The following GSG1 variants were observed in gnomAD, a reference collection of about 807,000 sequenced individuals.
GSG1 encodes germ cell associated 1.
Under a neutral mutation model 30.8 loss-of-function variants are expected in GSG1, and 28 were observed. The ratio of observed to expected loss-of-function variants is 0.91; its 90% confidence interval spans 0.67 to 1.25. The LOEUF (loss-of-function observed/expected upper bound fraction) is 1.25, where lower values mean the gene tolerates loss of function less well. GSG1 is among the 50% of genes most tolerant of loss of function. GSG1 has a pLI of 0.00. For missense variants in GSG1, 435 were observed against 444.7 expected (o/e 0.98, Z 0.20); for synonymous variants, 162 against 178.0 (o/e 0.91, Z 0.71).
chr12:13,089,474 T>C, intron 2 of GSG1, 198 bp from the exon 3 acceptor site: 1 of 734,864 alleles, frequency 1.4e-6, no homozygotes, highest in Non-Finnish European at 2.1e-6. Context: ...GAAGAGGAGG[T>C]GTCTTCAGCT....
At chr12:13,095,029 G>A (rs907629865) in intron 1 of GSG1, among the ~76,000 whole-genome samples, 2 of 152,204 alleles carry the variant, frequency 1.3e-5, no homozygotes, top group Admixed American at 6.5e-5. Context: ...TTGGACTGAA[G>A]CTCAAAGAGG....
At chr12:13,097,858 A>G (rs916713887) in intron 1 of GSG1, among the ~76,000 whole-genome samples, 5 of 152,156 alleles carry the variant, frequency 3.3e-5, no homozygotes, top group African/African-American at 1.2e-4. Context: ...CCATGAGGTC[A>G]TGTTTTTCCC....
chr12:13,084,668 G>A lies in GSG1; in HGVS notation c.*233C>T. The A allele has an allele frequency of 4.9e-6, 2 of 410,492 alleles. No individual in the cohort carries two copies. Among genetic ancestry groups the A allele is most frequent in the South Asian group, 5.8e-5 (1 of 17,174 alleles). The allele number at this position is 410,492 out of a possible 1,614,324, so 25.4% of individuals were successfully genotyped here. On this transcript the variant is annotated 3_prime_UTR_variant, in exon 7 of 7. Coordinates refer to ENST00000651961, the MANE Select transcript of GSG1 (RefSeq NM_001080555.4). Reference sequence around the variant, plus strand: ...TGGCACAGAAACTATCAGTAAAGAAGGGAATTCTGGATGTGTGAGATGTGG... The same window carrying A: ...TGGCACAGAAACTATCAGTAAAGAAAGGAATTCTGGATGTGTGAGATGTGG...
rs1865614599 is a variant in GSG1, at chr12:13,087,132, C to T, written c.746+20G>A. 1 of 1,540,882 alleles carries T rather than the reference C, an allele frequency of 6.5e-7. No homozygotes were observed. The highest frequency in any genetic ancestry group is 9.0e-7 in the Non-Finnish European group (1 of 1,113,558). On this transcript the variant is annotated intron_variant, in intron 6 of 6. Transcript: ENST00000651961. ...AAGGTTGGCTGGGGCTACAAAGGTT[C>T]AGGAGATGACAGCACTTACTAGAAG...
chr12:13,088,009 A>T lies in GSG1; in HGVS notation c.532T>A (p.Phe178Ile). The change falls in exon 5 of 7, where the codon TTC becomes ATC. Residue 178 changes from phenylalanine to isoleucine, a missense_variant. Phe to Ile is a conservative substitution (Grantham distance 21, BLOSUM62 0). Transcript: ENST00000651961. ...GTTAGTAGCAGGAGGAAGCTGATGA[A>T]TTGAAGTCCGATGTAGGTGATCTGC... is the stretch of plus-strand genomic sequence containing the variant. Reference protein sequence around the residue: ...GTQITYIGLQFISFLLLLTDL... With the variant: ...GTQITYIGLQIISFLLLLTDL... The T allele has an allele frequency of 6.2e-7, 1 of 1,614,254 alleles. No homozygotes were observed. The highest frequency in any genetic ancestry group is 1.1e-5 in the South Asian group (1 of 91,088).
At chr12:13,095,607 T>C in intron 1 of GSG1, 3 of 1,614,200 alleles carry the variant, frequency 1.9e-6, no homozygotes, top group Non-Finnish European at 2.5e-6. Context: ...ACCTTGGCCA[T>C]GGTCAGCGTC....
Position 13,089,292 on chromosome 12 carries a change from A to G in GSG1, c.365-16T>C, listed in dbSNP as rs146117765. The G allele has an allele frequency of 2.3e-4, 357 of 1,551,314 alleles. No individual in the cohort carries two copies. The African/African-American group carries it at 4.3e-3, about 19-fold the overall frequency. On this transcript the variant is annotated splice_polypyrimidine_tract_variant and intron_variant, in intron 2 of 6. Coordinates refer to ENST00000651961, the MANE Select transcript of GSG1 (RefSeq NM_001080555.4). ...TGGAGCAGTGCTAAGTGGCACAATA[A>G]TAAATATAAATGTAAATACACACAT... is the stretch of plus-strand genomic sequence containing the variant.
At chr12:13,097,987 T>C (rs888447245) in intron 1 of GSG1, among the ~76,000 whole-genome samples, 1 of 152,228 alleles carries the variant, frequency 6.6e-6, no homozygotes, top group African/African-American at 2.4e-5. Context: ...TTGTCACCTG[T>C]AATGTCTGCT....
chr12:13,089,141 C>T, intron 3 of GSG1, 67 bp downstream of exon 3: 2 of 1,470,982 alleles, frequency 1.4e-6, no homozygotes, highest in Non-Finnish European at 1.9e-6. Context: ...CATGAGAGCA[C>T]CTACATAGCT....
chr12:13,098,234 C>T (rs1046529383), intron 1 of GSG1, among the ~76,000 whole-genome samples: 6 of 151,592 alleles, frequency 4.0e-5, no homozygotes, highest in African/African-American at 1.5e-4. Flanking sequence ...GTCGTTTCCG[C>T]TTCCGTCACG....
intron 1 of GSG1, chr12:13,095,524 G>T: frequency 7.5e-7 from 1 of 1,340,138 alleles, no homozygotes; most frequent in Non-Finnish European, 1.1e-6. Context: ...TGAGGCAGGT[G>T]CACTTCTTAA....
chr12:13,087,029 C>T, intron 6 of GSG1, 123 bp downstream of exon 6: 1 of 649,920 alleles, frequency 1.5e-6, no homozygotes, highest in Non-Finnish European at 2.8e-6. Flanking sequence ...GTGTGGTTGA[C>T]AGGCTCTTGG....
intron 1 of GSG1, among the ~76,000 whole-genome samples, chr12:13,092,912 C>T (rs1257982338): frequency 6.6e-6 from 1 of 151,988 alleles, no homozygotes; most frequent in Non-Finnish European, 1.5e-5. Context: ...CTGCCTCAGC[C>T]TCCCGAGTAG....
At chr12:13,085,522 A>G (rs1307617077) in intron 6 of GSG1, among the ~76,000 whole-genome samples, 1 of 151,836 alleles carries the variant, frequency 6.6e-6, no homozygotes, top group Admixed American at 6.6e-5. Flanking sequence ...TGGTGTGCCT[A>G]TTGTGTGTGT....
intron 1 of GSG1, among the ~76,000 whole-genome samples, chr12:13,096,713 C>CT (rs1221772743): frequency 6.6e-6 from 1 of 152,088 alleles, no homozygotes; most frequent in Non-Finnish European, 1.5e-5. Context: ...AAAAAGTAAT[C>CT]TAAGAAACCA....
intron 1 of GSG1, among the ~76,000 whole-genome samples, chr12:13,099,395 A>G (rs1862982833): frequency 6.6e-6 from 1 of 152,242 alleles, no homozygotes; most frequent in African/African-American, 2.4e-5. Flanking sequence ...TAGCTCTGGC[A>G]TGTTGGACTG....
At chr12:13,092,443 C>G (rs1866244275) in intron 1 of GSG1, among the ~76,000 whole-genome samples, 1 of 152,176 alleles carries the variant, frequency 6.6e-6, no homozygotes, top group African/African-American at 2.4e-5. Context: ...TACTGAAGTC[C>G]TGCCCCTTCT....
Position 13,089,229 on chromosome 12 carries a change from T to C in GSG1, c.412A>G (p.Ser138Gly). Residue 138 changes from serine (S) to glycine (G), a missense_variant, in exon 3 of 7, where the codon AGT becomes GGT. Ser to Gly is a moderately conservative substitution (Grantham distance 56). Transcript: ENST00000651961. ...ATACCTTTTGCTGCCGCTGTACCACTGGACCGAAGGGCTCTAAATTGTTTC... is the reference window on the plus strand; with the variant it reads ...ATACCTTTTGCTGCCGCTGTACCACCGGACCGAAGGGCTCTAAATTGTTTC... ...SWKQFRALRS[S>G]GTAAAKGERC... is the part of the protein sequence containing the mutation. 2 of 1,558,864 alleles carry C rather than the reference T, an allele frequency of 1.3e-6. No individual in the cohort carries two copies. Among genetic ancestry groups the C allele is most frequent in the Non-Finnish European group, 1.7e-6 (2 of 1,150,800 alleles).
In GSG1 at chr12:13,094,880, AT is replaced by A. The variant is rs201638619; in HGVS notation, c.49-4063del. Among the ~76,000 whole-genome samples the A allele has an allele frequency of 7.6e-4, 116 of 152,314 alleles. No homozygotes were observed. The East Asian group carries it at 0.013, about 17-fold the overall frequency. On this transcript the variant is annotated intron_variant, in intron 1 of 6. Coordinates refer to ENST00000651961, the MANE Select transcript of GSG1 (RefSeq NM_001080555.4). Reference sequence around the variant, plus strand: ...ATTCAATCCACTTCAAGTTATATATATTTGCAAGTTATTCTCGGGGTTATTC... The same window carrying A: ...ATTCAATCCACTTCAAGTTATATATATTGCAAGTTATTCTCGGGGTTATTC...
Sources: allele counts gnomAD v4.1 joint callset (sites outside exome capture counted in the v4.1 genomes callset), GRCh38; gene constraint gnomAD v4.1.1; transcripts MANE v1.5; gene names NCBI Gene and HGNC (gene_info 2026-07-23, HGNC 2026-07-21).